RGS6: variants seen among roughly 807,000 people sequenced by gnomAD.
RGS6 encodes the protein regulator of G protein signaling 6.
Under a neutral mutation model 78.5 loss-of-function variants are expected in RGS6, and 30 were observed. The observed-to-expected ratio is 0.38, with a 90% confidence interval of 0.29 to 0.52. The LOEUF is 0.52. RGS6 is among the 20% of genes least tolerant of loss of function. The pLI is 0.85. For synonymous variants in RGS6, 206 were observed against 206.0 expected (o/e 1.00, Z 0.00); for missense variants, 495 against 609.7 (o/e 0.81, Z 1.98).
intron 2 of RGS6, among the ~76,000 whole-genome samples, chr14:72,125,252 G>T (rs750282639): frequency 1.6e-4 from 25 of 152,158 alleles, no homozygotes; most frequent in Non-Finnish European, 2.9e-4. Context: ...GCCCTGGCTG[G>T]GTGAAAACTG....
At chr14:72,614,813 C>T in the RGS6 span, among the ~76,000 whole-genome samples, 2 of 139,460 alleles carry the variant, frequency 1.4e-5, no homozygotes, top group Non-Finnish European at 3.1e-5. Flanking sequence ...TGTTCACTCC[C>T]ACCTGCTGCC....
chr14:71,896,347 C>T, the RGS6 span, among the ~76,000 whole-genome samples: 1 of 152,122 alleles, frequency 6.6e-6, no homozygotes, highest in Non-Finnish European at 1.5e-5. Context: ...ATTATTCATG[C>T]CTCCCCCTTT....
chr14:71,884,755 A>G, the RGS6 span, among the ~76,000 whole-genome samples: 20 of 152,128 alleles, frequency 1.3e-4, no homozygotes, highest in African/African-American at 4.8e-4. Context: ...ATTTGTCATG[A>G]CTAAGAGAAT....
At chr14:72,519,965 T>C (rs1007273395) in intron 15 of RGS6, among the ~76,000 whole-genome samples, 5 of 152,202 alleles carry the variant, frequency 3.3e-5, no homozygotes, top group Non-Finnish European at 5.9e-5. Flanking sequence ...ATGAAAACTT[T>C]TAACACTTGG....
At chr14:72,549,667 G>A (rs2097471508) in intron 17 of RGS6, among the ~76,000 whole-genome samples, 1 of 152,168 alleles carries the variant, frequency 6.6e-6, no homozygotes, top group South Asian at 2.1e-4. Context: ...TTCAAGACCA[G>A]CCTGGTCAAC....
chr14:72,115,139 T>C (rs2095857572), intron 2 of RGS6, among the ~76,000 whole-genome samples: 1 of 152,198 alleles, frequency 6.6e-6, no homozygotes, highest in African/African-American at 2.4e-5. Context: ...TGTCTCGGAA[T>C]ATGGAAGGGC....
At chr14:72,571,358 AC>A (rs2097720038), downstream of RGS6, among the ~76,000 whole-genome samples, 1 of 152,084 alleles carries the variant, frequency 6.6e-6, no homozygotes, top group African/African-American at 2.4e-5. Context: ...CTGACGCCAC[AC>A]CCAGCCTTGC....
chr14:72,234,139 C>T (rs954816178), intron 2 of RGS6, among the ~76,000 whole-genome samples: 104 of 152,018 alleles, frequency 6.8e-4, no homozygotes, highest in African/African-American at 2.2e-3. Context: ...AAGCACTTTG[C>T]GTACACTGCC....
the RGS6 span, among the ~76,000 whole-genome samples, chr14:71,921,288 G>T: frequency 6.6e-6 from 1 of 152,260 alleles, no homozygotes; most frequent in East Asian, 1.9e-4. Context: ...GAAAAAGGGG[G>T]TTCCCCCAAA....
intron 2 of RGS6, among the ~76,000 whole-genome samples, chr14:72,238,142 T>TGAGGC (rs2051656843): frequency 6.6e-6 from 1 of 152,210 alleles, no homozygotes; most frequent in South Asian, 2.1e-4. Flanking sequence ...GAGGAGGCTC[T>TGAGGC]TCTCCAAAGT....
At chr14:72,085,955 T>TAATA (rs1300951123) in intron 2 of RGS6, among the ~76,000 whole-genome samples, 33 of 151,248 alleles carry the variant, frequency 2.2e-4, no homozygotes, top group African/African-American at 7.3e-4. Flanking sequence ...TTCCTCGTTA[T>TAATA]AATGAGAAAA....
chr14:72,344,512 C>T (rs1321515856), intron 2 of RGS6, among the ~76,000 whole-genome samples: 1 of 152,186 alleles, frequency 6.6e-6, no homozygotes, highest in Non-Finnish European at 1.5e-5. Flanking sequence ...AAATTGCAGA[C>T]ATCACTACCT....
At chr14:72,614,833 C>T in the RGS6 span, among the ~76,000 whole-genome samples, 15 of 151,100 alleles carry the variant, frequency 9.9e-5, no homozygotes, top group Admixed American at 8.6e-4. Context: ...CCTCCAGCTC[C>T]TTAGCTCGAG....
At chr14:72,398,132 G>T (rs1233110129) in intron 3 of RGS6, among the ~76,000 whole-genome samples, 1 of 152,162 alleles carries the variant, frequency 6.6e-6, no homozygotes, top group African/African-American at 2.4e-5. Context: ...AATGGTACCA[G>T]CTCCTCCTTG....
the RGS6 span, among the ~76,000 whole-genome samples, chr14:71,893,420 G>A: frequency 3.3e-4 from 50 of 152,210 alleles, no homozygotes; most frequent in Non-Finnish European, 3.7e-4. Context: ...CTGATTGGAG[G>A]ATTTTTGTGA....
chr14:72,217,306 T>C (rs936854658), intron 2 of RGS6, among the ~76,000 whole-genome samples: 1 of 152,180 alleles, frequency 6.6e-6, no homozygotes, highest in African/African-American at 2.4e-5. Context: ...GGAGGATGGT[T>C]GCATTTAGCC....
intron 3 of RGS6, among the ~76,000 whole-genome samples, chr14:72,393,388 A>G (rs2090453792): frequency 6.6e-6 from 1 of 152,146 alleles, no homozygotes; most frequent in Non-Finnish European, 1.5e-5. Flanking sequence ...CTGCCCAGAG[A>G]TTTTTAGGGT....
intron 2 of RGS6, among the ~76,000 whole-genome samples, chr14:72,345,732 A>C (rs2077906067): frequency 6.6e-6 from 1 of 152,216 alleles, no homozygotes; most frequent in Admixed American, 6.5e-5. Context: ...CTGTTTTCAT[A>C]ACTGTAGAAA....
At chr14:72,047,648 T>A (rs771359248) in intron 2 of RGS6, among the ~76,000 whole-genome samples, 22 of 152,222 alleles carry the variant, frequency 1.4e-4, no homozygotes, top group Middle Eastern at 3.2e-3. Context: ...GATATGGCAT[T>A]AACAGTGATT....
Sources: gnomAD v4.1 joint callset for allele counts (sites outside exome capture counted in the v4.1 genomes callset) on GRCh38, gnomAD v4.1.1 for gene constraint, MANE v1.5 for transcripts, NCBI Gene and HGNC (gene_info 2026-07-23, HGNC 2026-07-21) for gene names.